RPAP2: variants seen among roughly 807,000 people sequenced by gnomAD.
RPAP2 encodes the protein putative RNA polymerase II subunit B1 CTD phosphatase RPAP2.
A neutral mutation model predicts 73.1 loss-of-function variants in RPAP2; 52 were observed. The ratio of observed to expected loss-of-function variants is 0.71; its 90% CI spans 0.57 to 0.90. RPAP2 has a LOEUF of 0.90. Among genes scored for constraint, RPAP2 ranks in the 40% least tolerant of loss-of-function variants. RPAP2 has a pLI of 0.00. For synonymous variants in RPAP2, 225 were observed against 242.1 expected (o/e 0.93, Z 0.65); for missense variants, 598 against 701.8 (o/e 0.85, Z 1.67).
At chr1:92,365,397 A>G (rs936246405) in intron 11 of RPAP2, among the ~76,000 whole-genome samples, 1 of 151,930 alleles carries the variant, frequency 6.6e-6, no homozygotes, top group Non-Finnish European at 1.5e-5. Flanking sequence ...GAGGTTTTAA[A>G]AAAATACTAA....
intron 11 of RPAP2, among the ~76,000 whole-genome samples, chr1:92,364,899 C>T (rs1654877237): frequency 1.3e-5 from 2 of 152,142 alleles, no homozygotes; most frequent in Admixed American, 1.3e-4. Flanking sequence ...AACTTAGTGA[C>T]TTCCCAGCTC....
At chr1:92,373,315 A>C (rs1655229817) in intron 11 of RPAP2, among the ~76,000 whole-genome samples, 1 of 152,184 alleles carries the variant, frequency 6.6e-6, no homozygotes, top group Non-Finnish European at 1.5e-5. Context: ...GTGAGGACAA[A>C]TTTAACCTCA....
At chr1:92,309,507 G>T (rs1328138618) in intron 6 of RPAP2, among the ~76,000 whole-genome samples, 1 of 151,448 alleles carries the variant, frequency 6.6e-6, no homozygotes, top group Non-Finnish European at 1.5e-5. Flanking sequence ...TTTAAATTGT[G>T]CAGTAAGTGC....
At position 92,390,444 on chromosome 1, in the gene RPAP2, C is replaced by T. The variant is rs1413520766; in HGVS notation, c.*3433C>T. On this transcript the variant is annotated 3_prime_UTR_variant, in exon 13 of 13. Transcript: ENST00000610020. ...AGTACCAGCCACTGCAAAAACATGC[C>T]AAATGGTAAAGACCATCAACACTAT... 6.6e-6 allele frequency: 1 copy of T among 152,136 alleles called. No homozygotes were observed. Among genetic ancestry groups the T allele is most frequent in the Non-Finnish European group, 1.5e-5 (1 of 68,020 alleles). 9.4% of individuals were successfully genotyped at this position (152,136 alleles called of 1,614,324 possible).
intron 8 of RPAP2, among the ~76,000 whole-genome samples, chr1:92,324,592 G>A (rs1329179786): frequency 6.6e-6 from 1 of 152,176 alleles, no homozygotes; most frequent in East Asian, 1.9e-4. Flanking sequence ...TTTCATCAGT[G>A]TGCAATATTT....
chr1:92,359,812 G>A (rs753483281), intron 11 of RPAP2, among the ~76,000 whole-genome samples: 4 of 152,172 alleles, frequency 2.6e-5, no homozygotes, highest in Non-Finnish European at 5.9e-5. Context: ...AAGAGGCAGA[G>A]GATGTTAAAT....
intron 8 of RPAP2, among the ~76,000 whole-genome samples, chr1:92,327,528 C>T (rs1031463094): frequency 1.3e-5 from 2 of 152,198 alleles, no homozygotes; most frequent in African/African-American, 4.8e-5. Context: ...CCACCCTTTA[C>T]CTTAAGTTTA....
intron 11 of RPAP2, among the ~76,000 whole-genome samples, chr1:92,362,214 C>T (rs1253764314): frequency 6.6e-6 from 1 of 152,160 alleles, no homozygotes; most frequent in Non-Finnish European, 1.5e-5. Flanking sequence ...TGTGTTTTCT[C>T]CTCTGTTGTT....
chr1:92,308,897 T>G (rs1224023910), intron 6 of RPAP2, among the ~76,000 whole-genome samples: 1 of 151,402 alleles, frequency 6.6e-6, no homozygotes, highest in African/African-American at 2.4e-5. Context: ...GAGGCGGAGG[T>G]TGCAGTGAGC....
chr1:92,305,450 A>AAAAAAAAAAAAAAAAAAAC lies in RPAP2; in HGVS notation c.399+1102_399+1103insAAAAAAAAAAAAAAAAACA, dbSNP rs1202528088. Among the ~76,000 whole-genome samples, 12 of 141,852 alleles carry AAAAAAAAAAAAAAAAAAAC rather than the reference A, an allele frequency of 8.5e-5. 2 individuals are homozygous for AAAAAAAAAAAAAAAAAAAC. Among genetic ancestry groups the AAAAAAAAAAAAAAAAAAAC allele is most frequent in the African/African-American group, 3.6e-4 (12 of 33,766 alleles). 93.1% of individuals were successfully genotyped at this position (141,852 alleles called of 152,430 possible). On this transcript the variant is annotated intron_variant, in intron 5 of 12. Coordinates refer to ENST00000610020, the MANE Select transcript of RPAP2 (RefSeq NM_024813.3). ...TCCGTCTCAAAAAAAAAAAAAAAAA[A>AAAAAAAAAAAAAAAAAAAC]AGACAATATGGGAAGATATAAACTT...
chr1:92,363,613 G>A (rs983355480), intron 11 of RPAP2: 1 of 194,860 alleles, frequency 5.1e-6, no homozygotes, highest in African/African-American at 2.4e-5. Flanking sequence ...TTATGGGTTT[G>A]AACTGTGCAA....
At chr1:92,318,507 C>T (rs1316789391) in intron 6 of RPAP2, among the ~76,000 whole-genome samples, 6 of 152,062 alleles carry the variant, frequency 3.9e-5, no homozygotes, top group Non-Finnish European at 8.8e-5. Flanking sequence ...TTCTTACTGA[C>T]TATAGAATAG....
At chr1:92,311,569 C>T (rs1224903617) in intron 6 of RPAP2, among the ~76,000 whole-genome samples, 4 of 152,168 alleles carry the variant, frequency 2.6e-5, no homozygotes, top group Admixed American at 6.5e-5. Context: ...ACAATTTGAA[C>T]TTGGCATCAC....
chr1:92,351,753 C>T (rs1396359847), intron 11 of RPAP2, among the ~76,000 whole-genome samples: 1 of 152,194 alleles, frequency 6.6e-6, no homozygotes, highest in African/African-American at 2.4e-5. Flanking sequence ...AGCAGCTTGA[C>T]TGGCCCGAGT....
intron 11 of RPAP2, among the ~76,000 whole-genome samples, chr1:92,375,914 C>T (rs1248326431): frequency 2.6e-5 from 4 of 150,956 alleles, no homozygotes; most frequent in Admixed American, 1.3e-4. Context: ...GCCCAAAAAC[C>T]GCTTGAACCC....
At chr1:92,380,413 G>A (rs907814031) in intron 11 of RPAP2, among the ~76,000 whole-genome samples, 11 of 151,950 alleles carry the variant, frequency 7.2e-5, no homozygotes, top group South Asian at 6.2e-4. Context: ...ACTCCTTTTC[G>A]TAACCTCCCT....
At chr1:92,376,510 G>A (rs1009163359) in intron 11 of RPAP2, among the ~76,000 whole-genome samples, 3 of 152,160 alleles carry the variant, frequency 2.0e-5, no homozygotes, top group African/African-American at 7.2e-5. Flanking sequence ...GTCTCCAGAT[G>A]CCTGAGGATT....
chr1:92,347,004 T>C (rs1299033343), intron 11 of RPAP2, among the ~76,000 whole-genome samples: 1 of 152,134 alleles, frequency 6.6e-6, no homozygotes, highest in Non-Finnish European at 1.5e-5. Flanking sequence ...TTCTTTGATA[T>C]TACTTCAGTC....
Position 92,398,466 on chromosome 1 carries a change from A to G in RPAP2, c.*11455A>G, listed in dbSNP as rs1207597749. On this transcript the variant is annotated 3_prime_UTR_variant, in exon 13 of 13. Transcript: ENST00000610020. The stretch of plus-strand genomic sequence containing the variant: ...CATTAGGGGACAAGATCAATTCTCT[A>G]AAAAATTAACCTAGCCCAAGGTAAG... The G allele has an allele frequency of 6.6e-6, 1 of 152,196 alleles. No individual in the cohort carries two copies. Among genetic ancestry groups the G allele is most frequent in the Non-Finnish European group, 1.5e-5 (1 of 68,046 alleles). The allele number at this position is 152,196 out of a possible 1,614,324, so 9.4% of individuals were successfully genotyped here. A position where few individuals can be genotyped will look rare whatever the true frequency, so the allele number is the denominator to read the frequency against.
Sources: allele counts gnomAD v4.1 joint callset (sites outside exome capture counted in the v4.1 genomes callset), GRCh38; gene constraint gnomAD v4.1.1; transcripts MANE v1.5; gene names NCBI Gene and HGNC (gene_info 2026-07-23, HGNC 2026-07-21).